AK8: variants seen among roughly 807,000 people sequenced by gnomAD.
AK8 encodes adenylate kinase 8, also known as ATP-AMP transphosphorylase 8.
AK8 carries 44 observed loss-of-function variants against 54.6 expected under a neutral mutation model. That is an observed-to-expected ratio of 0.81 (90% CI 0.63 to 1.04). The LOEUF (loss-of-function observed/expected upper bound fraction) is 1.04, where lower values mean the gene tolerates loss of function less well. AK8 is among the 50% of genes least tolerant of loss of function. The probability of loss-of-function intolerance (pLI) is 0.00; values close to 1 mark genes in which losing one functional copy is unlikely to be tolerated. For synonymous variants in AK8, 239 were observed against 245.6 expected (o/e 0.97, Z 0.25); for missense variants, 555 against 613.6 (o/e 0.90, Z 1.01).
At chr9:132,855,097 C>G (rs964832451) in intron 4 of AK8, among the ~76,000 whole-genome samples, 172 bp from the exon 5 acceptor site, 6 of 152,114 alleles carry the variant, frequency 3.9e-5, no homozygotes, top group East Asian at 1.9e-4. Flanking sequence ...TCTTCTCCCC[C>G]CAGCATCTTT....
chr9:132,755,816 G>A (rs546498175), intron 11 of AK8, among the ~76,000 whole-genome samples: 4 of 151,488 alleles, frequency 2.6e-5, no homozygotes, highest in Non-Finnish European at 5.9e-5. Context: ...TTCCCAGGCT[G>A]GAGTGTAATG....
chr9:132,839,963 A>G (rs1330629361), intron 5 of AK8, among the ~76,000 whole-genome samples: 2 of 151,494 alleles, frequency 1.3e-5, no homozygotes. Context: ...GACTACAGGC[A>G]CCCGCCACCA....
At chr9:132,873,566 T>A (rs534442978) in intron 2 of AK8, among the ~76,000 whole-genome samples, 6 of 152,388 alleles carry the variant, frequency 3.9e-5, no homozygotes, top group African/African-American at 1.4e-4. Context: ...TTGGCTCTTA[T>A]TTCACTTTTA....
chr9:132,850,898 A>T (rs930599094), intron 5 of AK8, among the ~76,000 whole-genome samples: 3 of 61,034 alleles, frequency 4.9e-5, no homozygotes, highest in African/African-American at 6.5e-5. Flanking sequence ...AGGTGCATTT[A>T]AAAAAAAAAA....
chr9:132,748,527 G>A lies in AK8; in HGVS notation c.1122-20993C>T, dbSNP rs1055524722. Among the ~76,000 whole-genome samples the A allele has an allele frequency of 2.0e-5, 3 of 151,806 alleles. No individual in the cohort carries two copies. The Admixed American group carries it at 2.0e-4, about 10-fold the overall frequency. On this transcript the variant is annotated intron_variant, in intron 11 of 12. Coordinates refer to ENST00000298545, the MANE Select transcript of AK8 (RefSeq NM_152572.3). ...TGCCTCTGGTTTAAGAAAATCAAAA[G>A]ATGTTCATTCATTCATTCAACAAAT...
intron 11 of AK8, among the ~76,000 whole-genome samples, chr9:132,753,775 C>T (rs925722146): frequency 6.6e-6 from 1 of 152,222 alleles, no homozygotes; most frequent in Non-Finnish European, 1.5e-5. Flanking sequence ...AGTGCTCTCA[C>T]GCCCCATCCC....
chr9:132,858,246 C>T (rs1054829114), intron 4 of AK8, among the ~76,000 whole-genome samples: 1 of 152,242 alleles, frequency 6.6e-6, no homozygotes, highest in Non-Finnish European at 1.5e-5. Context: ...GGTGGGTTTC[C>T]CGGCCTGGGG....
intron 11 of AK8, among the ~76,000 whole-genome samples, chr9:132,767,379 T>G (rs1309702372): frequency 1.3e-5 from 2 of 151,880 alleles, no homozygotes; most frequent in African/African-American, 4.8e-5. Flanking sequence ...ACAAATATCA[T>G]GGAAATGCAA....
chr9:132,772,438 A>G (rs1202115765), intron 11 of AK8, among the ~76,000 whole-genome samples: 1 of 152,210 alleles, frequency 6.6e-6, no homozygotes, highest in Non-Finnish European at 1.5e-5. Context: ...AGTCCTTCTA[A>G]GAGGAGGAAA....
At chr9:132,854,747 G>A (rs903019320) in intron 5 of AK8, 110 bp downstream of exon 5, 32 of 1,228,882 alleles carry the variant, frequency 2.6e-5, no homozygotes, top group Non-Finnish European at 3.1e-5. Context: ...CCGTTTGCCT[G>A]CCTTACCTTC....
intron 11 of AK8, among the ~76,000 whole-genome samples, chr9:132,765,280 G>A (rs1165449532): frequency 7.8e-5 from 7 of 89,542 alleles, no homozygotes; most frequent in Non-Finnish European, 1.2e-4. Flanking sequence ...GCAACAGAGC[G>A]AGACTCCATT....
chr9:132,824,896 T>C (rs1320729401), intron 8 of AK8, among the ~76,000 whole-genome samples: 1 of 152,224 alleles, frequency 6.6e-6, no homozygotes, highest in Non-Finnish European at 1.5e-5. Context: ...ATCTCTTTTC[T>C]TTGGCCCAAC....
intron 5 of AK8, among the ~76,000 whole-genome samples, chr9:132,847,310 C>T (rs778804653): frequency 3.9e-5 from 6 of 152,328 alleles, no homozygotes; most frequent in African/African-American, 1.4e-4. Context: ...CTAAGACAGA[C>T]CGTGGCGCCA....
At chr9:132,849,192 G>A (rs1197048602) in intron 5 of AK8, among the ~76,000 whole-genome samples, 1 of 152,160 alleles carries the variant, frequency 6.6e-6, no homozygotes, top group Non-Finnish European at 1.5e-5. Context: ...ACAGGTGTGA[G>A]CCACTACGCC....
At chr9:132,875,350 T>C (rs1368130034) in intron 1 of AK8, 151 bp from the exon 2 acceptor site, 1 of 1,475,296 alleles carries the variant, frequency 6.8e-7, no homozygotes, top group East Asian at 2.5e-5. Flanking sequence ...TGGCATCTGC[T>C]TGGGTCCCCA....
intron 9 of AK8, among the ~76,000 whole-genome samples, chr9:132,819,494 A>G (rs1218759557): frequency 2.6e-5 from 4 of 152,178 alleles, no homozygotes; most frequent in Non-Finnish European, 5.9e-5. Context: ...AGACAAATCC[A>G]CAATTCAGAG....
At chr9:132,827,506 G>A (rs542465820) in intron 7 of AK8, 24 of 218,270 alleles carry the variant, frequency 1.1e-4, no homozygotes, top group Non-Finnish European at 1.7e-4. Context: ...CGTGAGGCCC[G>A]GAAGATCAAG....
chr9:132,798,501 A>G (rs1340562423), intron 10 of AK8, among the ~76,000 whole-genome samples: 1 of 152,146 alleles, frequency 6.6e-6, no homozygotes. Context: ...AGTGCGGTCT[A>G]AAGTCTTTCA....
intron 11 of AK8, among the ~76,000 whole-genome samples, chr9:132,768,269 ATTTT>A (rs34438042): frequency 7.4e-6 from 1 of 135,772 alleles, no homozygotes. Context: ...TAACTTTTTA[ATTTT>A]TTTTTTTTTT....
Sources: gnomAD v4.1 joint callset for allele counts (sites outside exome capture counted in the v4.1 genomes callset) on GRCh38, gnomAD v4.1.1 for gene constraint, MANE v1.5 for transcripts, NCBI Gene and HGNC (gene_info 2026-07-23, HGNC 2026-07-21) for gene names.